Variants in MYO18B observed in about 807,000 individuals in gnomAD.
MYO18B encodes unconventional myosin-XVIIIb.
MYO18B carries 204 observed loss-of-function variants against 273.0 expected under a neutral mutation model. That is an observed-to-expected ratio of 0.75 (90% CI 0.67 to 0.84). The LOEUF (loss-of-function observed/expected upper bound fraction) is 0.84, where lower values mean the gene tolerates loss of function less well. Among genes scored for constraint, MYO18B ranks in the 40% least tolerant of loss-of-function variants. MYO18B has a pLI of 0.00. For synonymous variants in MYO18B, 1,330 were observed against 1,305.7 expected (o/e 1.02, Z -0.40); for missense variants, 3,212 against 3,287.6 (o/e 0.98, Z 0.56).
intron 42 of MYO18B, among the ~76,000 whole-genome samples, chr22:26,021,799 C>G (rs1935840942): frequency 6.6e-6 from 1 of 152,202 alleles, no homozygotes; most frequent in African/African-American, 2.4e-5. Flanking sequence ...TAATCCCTAT[C>G]TCTCAGGGTG....
intron 34 of MYO18B, among the ~76,000 whole-genome samples, chr22:25,931,627 C>T (rs1430465341): frequency 6.6e-6 from 1 of 151,556 alleles, no homozygotes; most frequent in East Asian, 1.9e-4. Context: ...GGTGGCCAGA[C>T]TCCAGAGGAG....
At chr22:25,744,603 G>A (rs1438049189) in intron 1 of MYO18B, among the ~76,000 whole-genome samples, 1 of 152,244 alleles carries the variant, frequency 6.6e-6, no homozygotes, top group South Asian at 2.1e-4. Context: ...GCGTGGTGGT[G>A]GGTGCCTGTA....
At chr22:25,935,151 G>A (rs1392685225) in intron 34 of MYO18B, among the ~76,000 whole-genome samples, 2 of 152,130 alleles carry the variant, frequency 1.3e-5, no homozygotes, top group African/African-American at 2.4e-5. Context: ...TACAGGAAAA[G>A]TGAGTTCATT....
At chr22:26,008,741 G>T (rs925474634) in intron 42 of MYO18B, among the ~76,000 whole-genome samples, 1 of 152,168 alleles carries the variant, frequency 6.6e-6, no homozygotes, top group Non-Finnish European at 1.5e-5. Context: ...CTGGCCGCAA[G>T]TGGTGCCTGG....
intron 34 of MYO18B, among the ~76,000 whole-genome samples, chr22:25,927,282 G>A (rs994214637): frequency 5.3e-5 from 8 of 152,148 alleles, no homozygotes; most frequent in South Asian, 2.1e-4. Context: ...GAGAAATATC[G>A]CTGAATTCTT....
rs565561494 is a variant in MYO18B at position 25,798,804 on chromosome 22, A to G, written c.2521+707A>G. Among the ~76,000 whole-genome samples the G allele has an allele frequency of 1.1e-4, 17 of 152,118 alleles. No homozygotes were observed. The South Asian group carries it at 1.5e-3, about 13-fold the overall frequency. On this transcript the variant is annotated intron_variant, in intron 12 of 43. Transcript: ENST00000335473. ...GGTCTCAAACTCCTAGGCTCAAGCA[A>G]TCTTCCTGCCTTGACCTCCCAAAGT... is the stretch of plus-strand genomic sequence containing the variant.
chr22:26,041,939 C>T, the MYO18B span, among the ~76,000 whole-genome samples: 3 of 152,346 alleles, frequency 2.0e-5, no homozygotes, highest in Middle Eastern at 0.01. Flanking sequence ...TGGGCTTCCT[C>T]TCAGTCTCAC....
chr22:25,887,728 G>A (rs2091543368), intron 25 of MYO18B, among the ~76,000 whole-genome samples: 1 of 152,100 alleles, frequency 6.6e-6, no homozygotes. Flanking sequence ...GGATTTATGG[G>A]GACAGGGGAA....
At chr22:25,957,383 G>C (rs2092866032) in intron 39 of MYO18B, among the ~76,000 whole-genome samples, 1 of 152,168 alleles carries the variant, frequency 6.6e-6, no homozygotes. Flanking sequence ...TCCCACATAT[G>C]AATCAAAATG....
At chr22:25,853,795 A>G (rs952802602) in intron 21 of MYO18B, among the ~76,000 whole-genome samples, 3 of 152,170 alleles carry the variant, frequency 2.0e-5, no homozygotes, top group African/African-American at 7.2e-5. Context: ...GAAAATTACA[A>G]GGAGAATGGA....
At chr22:26,042,887 T>TAATC in the MYO18B span, among the ~76,000 whole-genome samples, 1,266 of 152,356 alleles carry the variant, frequency 8.3e-3, 17 homozygotes, top group African/African-American at 0.028. Context: ...AAGCAATGAC[T>TAATC]AATCACAATG....
chr22:25,951,406 C>T (rs1424991981), intron 37 of MYO18B, among the ~76,000 whole-genome samples: 1 of 152,220 alleles, frequency 6.6e-6, no homozygotes, highest in Non-Finnish European at 1.5e-5. Context: ...TAGACAGACA[C>T]ATGCACACAC....
rs188589464 is a variant in MYO18B, at chr22:25,771,884, G to A, written c.1693-450G>A. Among the ~76,000 whole-genome samples, 270 of 152,346 alleles carry A rather than the reference G, an allele frequency of 1.8e-3. 8 individuals are homozygous for A. In the East Asian group the frequency reaches 0.05, roughly 28 times the overall value. On this transcript the variant is annotated intron_variant, in intron 6 of 43. Transcript: ENST00000335473. ...ATGCATGATGGGCTATGAGACCAGT[G>A]AGGTGGTTTGGCCATTGGCCTCCAC...
At chr22:25,990,287 T>C (rs934152526) in intron 39 of MYO18B, among the ~76,000 whole-genome samples, 2 of 152,144 alleles carry the variant, frequency 1.3e-5, no homozygotes, top group African/African-American at 4.8e-5. Context: ...GAAAGAGCAC[T>C]GGACTGGGAG....
intron 11 of MYO18B, among the ~76,000 whole-genome samples, 181 bp downstream of exon 11, chr22:25,785,672 C>T (rs2087353134): frequency 6.6e-6 from 1 of 152,048 alleles, no homozygotes; most frequent in South Asian, 2.1e-4. Context: ...AAAGAAGACT[C>T]AGACAAATAA....
chr22:25,979,465 TG>T (rs1432764302), intron 39 of MYO18B, among the ~76,000 whole-genome samples: 1 of 152,176 alleles, frequency 6.6e-6, no homozygotes, highest in African/African-American at 2.4e-5. Flanking sequence ...TGGTTGACTC[TG>T]GGAAGTTGGG....
At chr22:25,844,283 T>G (rs1210792617) in intron 18 of MYO18B, among the ~76,000 whole-genome samples, 2 of 152,230 alleles carry the variant, frequency 1.3e-5, no homozygotes, top group Non-Finnish European at 2.9e-5. Context: ...GCTCACCATG[T>G]TCCCTGGCTG....
chr22:25,817,477 T>C (rs933861169), intron 12 of MYO18B, among the ~76,000 whole-genome samples: 1 of 149,374 alleles, frequency 6.7e-6, no homozygotes, highest in Non-Finnish European at 1.5e-5. Flanking sequence ...CCTTTCCTCT[T>C]TCTTCTTTTT....
chr22:26,038,820 G>A, the MYO18B span, among the ~76,000 whole-genome samples: 1 of 152,092 alleles, frequency 6.6e-6, no homozygotes, highest in Non-Finnish European at 1.5e-5. Flanking sequence ...TAGTCTCTCT[G>A]CCCTGAGACT....
Sources: allele counts gnomAD v4.1 joint callset (sites outside exome capture counted in the v4.1 genomes callset), GRCh38; gene constraint gnomAD v4.1.1; transcripts MANE v1.5; gene names NCBI Gene and HGNC (gene_info 2026-07-23, HGNC 2026-07-21).